Variants in ZNF362 observed in about 807,000 individuals in gnomAD.
ZNF362 encodes rotund homolog.
A neutral mutation model predicts 42.9 loss-of-function variants in ZNF362; 11 were observed. That is an observed-to-expected ratio of 0.26 (90% CI 0.16 to 0.42). The LOEUF (loss-of-function observed/expected upper bound fraction) is 0.42, where lower values mean the gene tolerates loss of function less well. Ranked by LOEUF, ZNF362 falls within the 20% of genes least tolerant of loss-of-function variation. The pLI is 1.00. For synonymous variants in ZNF362, 255 were observed against 257.3 expected (o/e 0.99, Z 0.09); for missense variants, 362 against 576.2 (o/e 0.63, Z 3.81).
At chr1:33,268,030 C>A (rs1052600628) in intron 1 of ZNF362, among the ~76,000 whole-genome samples, 11 of 152,192 alleles carry the variant, frequency 7.2e-5, no homozygotes, top group African/African-American at 2.4e-4. Context: ...TTAGCATTTT[C>A]TTATTTCTTT....
chr1:33,158,110 G>T, the ZNF362 span: 1 of 663,214 alleles, frequency 1.5e-6, no homozygotes, highest in Non-Finnish European at 2.7e-6. Flanking sequence ...AGGTGCCCAG[G>T]ACAGGTCCTG....
chr1:33,171,166 C>T, the ZNF362 span, among the ~76,000 whole-genome samples: 1 of 152,174 alleles, frequency 6.6e-6, no homozygotes, highest in Non-Finnish European at 1.5e-5. Flanking sequence ...GGAGAACAAA[C>T]TAGAAATTTT....
intron 8 of ZNF362, among the ~76,000 whole-genome samples, 199 bp from the exon 9 acceptor site, chr1:33,298,731 C>T (rs1646142131): frequency 6.6e-6 from 1 of 152,188 alleles, no homozygotes; most frequent in Non-Finnish European, 1.5e-5. Context: ...GTGAGCTCTC[C>T]AGCCAGCACT....
the ZNF362 span, chr1:33,163,649 C>T: frequency 1.3e-5 from 2 of 152,272 alleles, no homozygotes; most frequent in South Asian, 2.1e-4. Context: ...GTGCTGGGGC[C>T]CTTTCAGAAA....
chr1:33,236,770 T>G, the ZNF362 span, among the ~76,000 whole-genome samples: 11 of 151,734 alleles, frequency 7.2e-5, no homozygotes, highest in East Asian at 2.1e-3. Flanking sequence ...CATTCTACTA[T>G]GTAAACATAT....
rs1646143322 is a variant in ZNF362 at position 33,298,800 on chromosome 1, A to G, written c.1147-130A>G. ...ATGGCCGACGCCCATCTGACCCTGC[A>G]AAACTGTGGCTGTCCTCCACCCTCT... On this transcript the variant is annotated intron_variant, in intron 8 of 8. Transcript: ENST00000539719. The G allele has an allele frequency of 6.7e-6, 5 of 749,540 alleles. No individual in the cohort carries two copies. The East Asian group carries it at 1.2e-4, about 18-fold the overall frequency. 46.4% of individuals were successfully genotyped at this position (749,540 alleles called of 1,614,324 possible).
At chr1:33,132,617 C>A in the ZNF362 span, among the ~76,000 whole-genome samples, 1 of 152,236 alleles carries the variant, frequency 6.6e-6, no homozygotes, top group Admixed American at 6.5e-5. Context: ...CTTCTCTATG[C>A]TCCCACAGAC....
chr1:33,287,545 T>C (rs1004204921), intron 6 of ZNF362, among the ~76,000 whole-genome samples: 1 of 152,210 alleles, frequency 6.6e-6, no homozygotes, highest in African/African-American at 2.4e-5. Flanking sequence ...AGGAAATGGC[T>C]GAAAGTTTTA....
rs1645792275 is a variant in ZNF362, at chr1:33,256,567, G to A, written c.-176G>A. 1 of 148,070 alleles carries A rather than the reference G, an allele frequency of 6.8e-6. No individual in the cohort carries two copies. The highest frequency in any genetic ancestry group is 1.5e-5 in the Non-Finnish European group (1 of 66,738). The allele number at this position is 148,070 out of a possible 1,614,324, so 9.2% of individuals were successfully genotyped here. ...GCCAGAGCCGGAGCCCGAGCCCGGA[G>A]CCTGTGCCGGAGCCCCAGCCCGGCC... On this transcript the variant is annotated 5_prime_UTR_variant, in exon 1 of 9. Transcript: ENST00000539719.
At chr1:33,285,305 T>C (rs539859005) in intron 6 of ZNF362, among the ~76,000 whole-genome samples, 2 of 152,224 alleles carry the variant, frequency 1.3e-5, no homozygotes, top group African/African-American at 4.8e-5. Context: ...TCCCATCTAC[T>C]CGGGAGGCTG....
rs372252118 is a variant in ZNF362, at chr1:33,257,256, C to T, written c.-89+602C>T. On this transcript the variant is annotated intron_variant, in intron 1 of 8. Transcript: ENST00000539719. ...GGCACCCGAAGGGTTGGCTTTTTTC[C>T]TTTTCTTTGGCGAGAGCCGCGAGCC... Among the ~76,000 whole-genome samples, 71 of 151,870 alleles carry T rather than the reference C, an allele frequency of 4.7e-4. No homozygotes were observed. In the East Asian group the frequency reaches 0.012, roughly 25 times the overall value.
chr1:33,282,717 G>A (rs1368661486), intron 6 of ZNF362, among the ~76,000 whole-genome samples: 1 of 151,988 alleles, frequency 6.6e-6, no homozygotes, highest in East Asian at 1.9e-4. Context: ...AGCTACTTGG[G>A]AGGCTTAGGC....
At chr1:33,256,159 C>G (rs1645787448), upstream of ZNF362, among the ~76,000 whole-genome samples, 1 of 148,714 alleles carries the variant, frequency 6.7e-6, no homozygotes, top group African/African-American at 2.4e-5. Context: ...CGCAGCGCAA[C>G]TTTGCCAGGC....
the ZNF362 span, chr1:33,162,895 A>C: frequency 6.6e-6 from 1 of 152,262 alleles, no homozygotes; most frequent in Non-Finnish European, 1.5e-5. Flanking sequence ...TAAGCTCCCA[A>C]GTTGCCATTT....
chr1:33,179,597 C>T, the ZNF362 span, among the ~76,000 whole-genome samples: 1 of 152,156 alleles, frequency 6.6e-6, no homozygotes, highest in African/African-American at 2.4e-5. Context: ...CCAGCTTAGG[C>T]CAGGGTTGGT....
At chr1:33,156,681 T>C in the ZNF362 span, among the ~76,000 whole-genome samples, 28,379 of 152,152 alleles carry the variant, frequency 0.19, 3,141 homozygotes, top group South Asian at 0.3. Flanking sequence ...GCTGTCCATA[T>C]GCTAATGATG....
At chr1:33,226,644 C>T in the ZNF362 span, among the ~76,000 whole-genome samples, 1 of 152,202 alleles carries the variant, frequency 6.6e-6, no homozygotes, top group African/African-American at 2.4e-5. Context: ...GTGGGTGGAT[C>T]ACCTGAGGTC....
At chr1:33,296,594 C>T (rs942267046) in intron 8 of ZNF362, among the ~76,000 whole-genome samples, 1 of 152,092 alleles carries the variant, frequency 6.6e-6, no homozygotes, top group Non-Finnish European at 1.5e-5. Context: ...CCTGGAGGAG[C>T]AACACTTAGG....
the ZNF362 span, among the ~76,000 whole-genome samples, chr1:33,189,708 C>CGT: frequency 0.016 from 113 of 7,212 alleles, 1 homozygote; most frequent in South Asian, 0.041. Flanking sequence ...CACATATATA[C>CGT]GTATATATAT....
Sources: allele counts gnomAD v4.1 joint callset (sites outside exome capture counted in the v4.1 genomes callset), GRCh38; gene constraint gnomAD v4.1.1; transcripts MANE v1.5; gene names NCBI Gene and HGNC (gene_info 2026-07-23, HGNC 2026-07-21).